FREM3: variants seen among roughly 807,000 people sequenced by gnomAD.
FREM3 encodes the protein FRAS1 related extracellular matrix 3, also known as FRAS1-related extracellular matrix protein 3.
Under a neutral mutation model 129.1 loss-of-function variants are expected in FREM3, and 105 were observed. The observed-to-expected ratio is 0.81, with a 90% CI of 0.69 to 0.96. The LOEUF is 0.96. Ranked by LOEUF, FREM3 falls within the 40% of genes least tolerant of loss-of-function variation. The probability of loss-of-function intolerance (pLI) is 0.00; values close to 1 mark genes in which losing one functional copy is unlikely to be tolerated. For missense variants in FREM3, 2,593 were observed against 2,666.3 expected, an observed-to-expected ratio of 0.97 and a Z score of 0.61; for synonymous variants, 1,014 against 1,044.9, an observed-to-expected ratio of 0.97 and a Z score of 0.57.
At chr4:143,625,084 A>G (rs1739018493) in intron 3 of FREM3, among the ~76,000 whole-genome samples, 1 of 152,188 alleles carries the variant, frequency 6.6e-6, no homozygotes, top group Non-Finnish European at 1.5e-5. Flanking sequence ...AACAACAACA[A>G]CAACATCAAC....
rs185435104 is a variant in FREM3, at chr4:143,585,282, G to T, written c.6178+562C>A. Among the ~76,000 whole-genome samples, 813 of 152,292 alleles carry T rather than the reference G, an allele frequency of 5.3e-3. 5 individuals are homozygous for T. Among genetic ancestry groups the T allele is most frequent in the African/African-American group, 0.019 (774 of 41,562 alleles). ...GGAAATGTCCTTTTCTTTTCCTATT[G>T]GGTCCTGTTCTTTTTCTGATAAAGC... is the stretch of plus-strand genomic sequence containing the variant. On this transcript the variant is annotated intron_variant, in intron 7 of 7. Transcript: ENST00000329798. This position sits in a 1 kb window ranked among gnomAD's most constrained non-coding sequence, Gnocchi z 4.2.
chr4:143,611,178 C>T (rs552060455), intron 6 of FREM3, 101 bp downstream of exon 6: 1 of 1,290,794 alleles, frequency 7.7e-7, no homozygotes, highest in African/African-American at 1.5e-5. Flanking sequence ...ATCAAATATT[C>T]TTTTAAAAGA....
intron 2 of FREM3, among the ~76,000 whole-genome samples, chr4:143,664,278 T>G (rs1739806337): frequency 6.6e-6 from 1 of 152,156 alleles, no homozygotes; most frequent in Non-Finnish European, 1.5e-5. Context: ...GGATGTCCTT[T>G]CTGTTTGTTA....
chr4:143,682,603 C>T (rs1371962289), intron 2 of FREM3, among the ~76,000 whole-genome samples: 1 of 152,198 alleles, frequency 6.6e-6, no homozygotes, highest in Admixed American at 6.5e-5. Context: ...TCTTTTGTTG[C>T]ATCATTCCTT....
chr4:143,647,646 C>G (rs986505803), intron 2 of FREM3, among the ~76,000 whole-genome samples: 1 of 152,162 alleles, frequency 6.6e-6, no homozygotes, highest in African/African-American at 2.4e-5. Flanking sequence ...AAGCCCTAAG[C>G]CTTGGTGGCT....
intron 3 of FREM3, 132 bp from the exon 4 acceptor site, chr4:143,624,470 C>G (rs527281244): frequency 4.9e-6 from 3 of 617,048 alleles, no homozygotes; most frequent in East Asian, 5.5e-5. Context: ...CCAAAAGACA[C>G]TTGTAAATGA....
chr4:143,678,540 T>TAA (rs200161639), intron 2 of FREM3, among the ~76,000 whole-genome samples: 14 of 151,124 alleles, frequency 9.3e-5, no homozygotes, highest in African/African-American at 3.4e-4. Flanking sequence ...GAAAGTATAA[T>TAA]AAAATATATA....
chr4:143,662,394 G>A lies in FREM3; in HGVS notation c.5275+30719C>T, dbSNP rs543142215. 2.4e-4 allele frequency among the ~76,000 whole-genome samples: 37 copies of A among 152,266 alleles called. No individual in the cohort carries two copies. In the South Asian group the frequency reaches 4.6e-3, roughly 19 times the overall value. ...TTGTTCAGTTTCCATGTAGTTGAGT[G>A]GTTTTGAGTGAGTTTCTTAATCCTG... On this transcript the variant is annotated intron_variant, in intron 2 of 7. Transcript: ENST00000329798.
At chr4:143,591,629 T>C (rs1042379057) in intron 6 of FREM3, among the ~76,000 whole-genome samples, 1 of 152,166 alleles carries the variant, frequency 6.6e-6, no homozygotes, top group Admixed American at 6.5e-5. Flanking sequence ...TTCTGTTCTT[T>C]TACATTTTCT....
chr4:143,677,755 A>T (rs1740171547), intron 2 of FREM3, among the ~76,000 whole-genome samples: 1 of 152,222 alleles, frequency 6.6e-6, no homozygotes, highest in African/African-American at 2.4e-5. Flanking sequence ...TTCTCAAAAG[A>T]AGACATTTAT....
chr4:143,609,502 G>A (rs1909021), intron 6 of FREM3, among the ~76,000 whole-genome samples: 68,426 of 151,930 alleles, frequency 0.45, 15,799 homozygotes, highest in African/African-American at 0.53. Context: ...CTCCACTTCC[G>A]TAACTTTCCC....
intron 6 of FREM3, among the ~76,000 whole-genome samples, chr4:143,590,165 C>A (rs1320968876): frequency 6.6e-6 from 1 of 152,088 alleles, no homozygotes; most frequent in Non-Finnish European, 1.5e-5. Context: ...TCTAGATATA[C>A]AATCATGTCA....
chr4:143,699,417 G>A lies in FREM3; in HGVS notation c.1259C>T (p.Ala420Val). 1 of 1,537,296 alleles carries A rather than the reference G, an allele frequency of 6.5e-7. No individual in the cohort carries two copies. Among genetic ancestry groups the A allele is most frequent in the Non-Finnish European group, 8.7e-7 (1 of 1,146,928 alleles). Reference sequence around the variant, plus strand: ...CATGGATTTCACTGTCACCATGAAGGCAAAGGGGTCTGAGGCGGCGCCGTC... The same window carrying A: ...CATGGATTTCACTGTCACCATGAAGACAAAGGGGTCTGAGGCGGCGCCGTC... ...DGDGAASDPF[A>V]FMVTVKSMNT... Residue 420 changes from alanine to valine, a missense_variant, in exon 1 of 8, where the codon GCC becomes GTC. This residue lies in a region of FREM3 where 2,276 missense variants were observed against 2,267.2 expected (regional missense o/e 1.00). Transcript: ENST00000329798. The surrounding 1 kb of genome is among the most constrained non-coding windows in gnomAD (Gnocchi z 4.2).
At chr4:143,690,550 G>C (rs145101656) in intron 2 of FREM3, among the ~76,000 whole-genome samples, 1 of 152,060 alleles carries the variant, frequency 6.6e-6, no homozygotes, top group Admixed American at 6.6e-5. Context: ...CCTTCAGCCC[G>C]ATGGTGAAAG....
intron 6 of FREM3, among the ~76,000 whole-genome samples, chr4:143,586,951 C>CT (rs1738253772): frequency 6.6e-6 from 1 of 152,166 alleles, no homozygotes; most frequent in African/African-American, 2.4e-5. Flanking sequence ...ATGGAGATGA[C>CT]ACCTTTGCAA....
chr4:143,586,905 A>G (rs1034008619), intron 6 of FREM3, among the ~76,000 whole-genome samples: 1 of 152,200 alleles, frequency 6.6e-6, no homozygotes, highest in African/African-American at 2.4e-5. Flanking sequence ...ACCATGGAGG[A>G]ACAACCCCTT....
intron 2 of FREM3, among the ~76,000 whole-genome samples, chr4:143,629,494 G>A (rs1219220327): frequency 6.6e-6 from 1 of 151,936 alleles, no homozygotes; most frequent in Admixed American, 6.6e-5. Flanking sequence ...TAACATTATT[G>A]ATACTATTGT....
chr4:143,699,503 G>A lies in FREM3; in HGVS notation c.1173C>T (p.Pro391=). 6.5e-7 allele frequency: 1 copy of A among 1,537,272 alleles called. No individual in the cohort carries two copies. The change falls in exon 1 of 8, where the codon CCC becomes CCT. Residue 391 remains proline (P), a synonymous_variant. Transcript: ENST00000329798. The surrounding 1 kb of genome is among the most constrained non-coding windows in gnomAD (Gnocchi z 4.2). The part of the protein sequence containing the change: ...ELRELKIAYQ[P]PAENSHGERL... The stretch of plus-strand genomic sequence containing the variant: ...GCTCCCCATGGGAGTTCTCTGCAGG[G>A]GGCTGATAGGCAATCTTCAGCTCCC...
chr4:143,636,313 T>G (rs1191518983), intron 2 of FREM3, among the ~76,000 whole-genome samples: 2 of 130,928 alleles, frequency 1.5e-5, no homozygotes, highest in African/African-American at 5.9e-5. Flanking sequence ...AATATTGGGC[T>G]GGGCACTGTG....
Sources: gnomAD v4.1 joint callset for allele counts (sites outside exome capture counted in the v4.1 genomes callset) on GRCh38, gnomAD v4.1.1 for gene constraint, gnomAD v4.1.1 regional missense constraint, Gnocchi (gnomAD v3.1) non-coding constraint, MANE v1.5 for transcripts, NCBI Gene and HGNC (gene_info 2026-07-23, HGNC 2026-07-21) for gene names.